Variants in THSD7B observed in about 807,000 individuals in gnomAD.
THSD7B encodes the protein thrombospondin type-1 domain-containing protein 7B.
Under a neutral mutation model 213.6 loss-of-function variants are expected in THSD7B, and 138 were observed. That is an observed-to-expected ratio of 0.65 (90% confidence interval 0.56 to 0.74). The LOEUF (loss-of-function observed/expected upper bound fraction) is 0.74. Among genes scored for constraint, THSD7B ranks in the 30% least tolerant of loss-of-function variants. THSD7B has a pLI of 0.00. For missense variants in THSD7B, 1,931 were observed against 1,991.5 expected, an observed-to-expected ratio of 0.97 and a Z score of 0.58; for synonymous variants, 742 against 687.0, an observed-to-expected ratio of 1.08 and a Z score of -1.25.
chr2:136,922,866 C>T (rs1031943437), intron 2 of THSD7B, among the ~76,000 whole-genome samples: 6 of 152,100 alleles, frequency 3.9e-5, no homozygotes, highest in Non-Finnish European at 1.5e-5. Flanking sequence ...CTTTCTTGAC[C>T]CCCAAGTGCC....
intron 3 of THSD7B, among the ~76,000 whole-genome samples, chr2:137,076,976 T>TC (rs1195827738): frequency 1.1e-4 from 8 of 71,376 alleles, no homozygotes; most frequent in Admixed American, 2.2e-4. Context: ...CCCTCCCCCC[T>TC]CCCCCCACCC....
intron 1 of THSD7B, among the ~76,000 whole-genome samples, chr2:136,766,479 G>A (rs942301497): frequency 3.3e-5 from 5 of 152,098 alleles, no homozygotes; most frequent in African/African-American, 1.2e-4. Flanking sequence ...TGTCTTACAT[G>A]TCCCATAGTA....
Position 137,676,741 on chromosome 2 carries a change from T to G in THSD7B, c.*136T>G. The stretch of plus-strand genomic sequence containing the variant: ...GAATACAAATATTGCAAAAGTAATA[T>G]TGCCTCAACTTCATTTGGACATGGA... On this transcript the variant is annotated 3_prime_UTR_variant, in exon 28 of 28. Transcript: ENST00000409968. The G allele has an allele frequency of 3.0e-6, 2 of 666,876 alleles. No individual in the cohort carries two copies. The highest frequency in any genetic ancestry group is 3.6e-5 in the South Asian group (1 of 27,906). 41.3% of individuals were successfully genotyped at this position (666,876 alleles called of 1,614,324 possible).
intron 6 of THSD7B, among the ~76,000 whole-genome samples, chr2:137,167,411 C>T (rs900152307): frequency 2.6e-4 from 40 of 151,998 alleles, no homozygotes; most frequent in Admixed American, 2.3e-3. Flanking sequence ...CCATATTGGC[C>T]AGGCTGGAAC....
intron 3 of THSD7B, among the ~76,000 whole-genome samples, chr2:137,076,898 A>AT (rs1687637402): frequency 6.6e-6 from 1 of 151,986 alleles, no homozygotes; most frequent in African/African-American, 2.4e-5. Flanking sequence ...ATATGTATAC[A>AT]TGTGCCATGT....
At chr2:136,908,131 A>C (rs1684197788) in intron 2 of THSD7B, among the ~76,000 whole-genome samples, 1 of 152,158 alleles carries the variant, frequency 6.6e-6, no homozygotes, top group Admixed American at 6.5e-5. Context: ...CACATGTTGC[A>C]TATGGTTGCC....
intron 2 of THSD7B, among the ~76,000 whole-genome samples, chr2:137,022,871 G>A (rs116835250): frequency 0.024 from 3,679 of 152,204 alleles, 184 homozygotes; most frequent in African/African-American, 0.083. Context: ...TAATTCTGCT[G>A]TTGTAGCACA....
At chr2:137,619,306 C>T (rs1285657405) in intron 19 of THSD7B, among the ~76,000 whole-genome samples, 2 of 152,220 alleles carry the variant, frequency 1.3e-5, no homozygotes, top group African/African-American at 2.4e-5. Context: ...TGGCATTTCT[C>T]TTAAGAGAGG....
chr2:137,028,821 A>G lies in THSD7B; in HGVS notation c.140-27599A>G, dbSNP rs375742746. Among the ~76,000 whole-genome samples, 82 of 152,218 alleles carry G rather than the reference A, an allele frequency of 5.4e-4. 1 individual carries two copies. Among genetic ancestry groups the G allele is most frequent in the African/African-American group, 2.0e-3 (82 of 41,534 alleles). On this transcript the variant is annotated intron_variant, in intron 2 of 27. Coordinates refer to ENST00000409968, the MANE Select transcript of THSD7B (RefSeq NM_001316349.2). ...TAGGTAGGAACTAGTCAGGTAAATG[A>G]TTCTTTGATTCTTTCTGATGACTTA...
rs188458063 is a variant in THSD7B, at chr2:137,302,461, A to G, written c.2500+26435A>G. ...TGGAGAATTGTCCATAAGATGTAAC[A>G]ATGTTGGCCTTGACAAGAACAGTTA... On this transcript the variant is annotated intron_variant, in intron 12 of 27. Transcript: ENST00000409968. Among the ~76,000 whole-genome samples the G allele has an allele frequency of 1.2e-3, 186 of 152,278 alleles. 1 individual carries two copies. The highest frequency in any genetic ancestry group is 6.8e-3 in the Middle Eastern group (2 of 294).
Position 137,238,534 on chromosome 2 carries a change from CTTTTTTTTTTT to C in THSD7B, c.2151-3903_2151-3893del, listed in dbSNP as rs869146863. ...TATCCTGATAATGACACTCATCTTT[CTTTTTTTTTTT>C]TTTTTTTTTTTTTTTTTTTGAGACG... On this transcript the variant is annotated intron_variant, in intron 9 of 27. Transcript: ENST00000409968. Among the ~76,000 whole-genome samples, 33 of 51,870 alleles carry C rather than the reference CTTTTTTTTTTT, an allele frequency of 6.4e-4. 1 individual carries two copies. In the South Asian group the frequency reaches 0.024, roughly 37 times the overall value. The allele number at this position is 51,870 out of a possible 152,430, so 34.0% of individuals were successfully genotyped here.
chr2:137,327,571 T>A (rs1224834511), intron 12 of THSD7B, among the ~76,000 whole-genome samples: 1 of 152,164 alleles, frequency 6.6e-6, no homozygotes, highest in Non-Finnish European at 1.5e-5. Flanking sequence ...TTATTCCTTT[T>A]GTACTCCCCA....
At chr2:137,436,502 G>A (rs145003245) in intron 14 of THSD7B, among the ~76,000 whole-genome samples, 2 of 152,112 alleles carry the variant, frequency 1.3e-5, no homozygotes, top group Admixed American at 6.6e-5. Context: ...TCCTGCTGCT[G>A]TTTGTAGATT....
intron 12 of THSD7B, among the ~76,000 whole-genome samples, chr2:137,311,516 G>A (rs984889774): frequency 1.3e-5 from 2 of 151,908 alleles, no homozygotes; most frequent in Non-Finnish European, 2.9e-5. Flanking sequence ...CTCCCTAATT[G>A]CCCTGAACAG....
intron 16 of THSD7B, among the ~76,000 whole-genome samples, chr2:137,565,652 C>T (rs947247891): frequency 6.6e-6 from 1 of 152,096 alleles, no homozygotes; most frequent in Non-Finnish European, 1.5e-5. Context: ...CTGCCCCAGT[C>T]CCCTAGAATT....
intron 1 of THSD7B, among the ~76,000 whole-genome samples, chr2:136,855,591 ATTATTTATTTATTATTTATTTAT>A (rs1207487649): frequency 6.8e-4 from 89 of 130,826 alleles, no homozygotes; most frequent in African/African-American, 2.1e-3. Context: ...GCATCCGGCT[ATTATTTATTTATTATTTATTTAT>A]TTATTTATTT....
intron 20 of THSD7B, among the ~76,000 whole-genome samples, chr2:137,640,667 T>G (rs1682922559): frequency 6.6e-6 from 1 of 152,236 alleles, no homozygotes; most frequent in Admixed American, 6.5e-5. Context: ...AGAATTTTCC[T>G]CTTGGGTTGT....
At chr2:136,910,792 C>T (rs1429985) in intron 2 of THSD7B, among the ~76,000 whole-genome samples, 63,012 of 151,198 alleles carry the variant, frequency 0.42, 15,023 homozygotes, top group Non-Finnish European at 0.55. Flanking sequence ...ATTAATTTAA[C>T]GATATAATGA....
rs1325652028 is a variant in THSD7B at position 137,057,013 on chromosome 2, G to T, written c.733G>T (p.Val245Phe). Reference sequence around the variant, plus strand: ...AGAGGAATATACATTTAGCCTTAAGGTTGGACCATGGAGTAAATGCAGACT... The same window carrying T: ...AGAGGAATATACATTTAGCCTTAAGTTTGGACCATGGAGTAAATGCAGACT... Reference protein sequence around the residue: ...GEEEYTFSLKVGPWSKCRLPH... With the variant: ...GEEEYTFSLKFGPWSKCRLPH... Residue 245 changes from valine (V) to phenylalanine (F), a missense_variant, in exon 3 of 28, where the codon GTT becomes TTT. By Grantham distance (50) the Val-to-Phe change is conservative. Coordinates refer to ENST00000409968, the MANE Select transcript of THSD7B (RefSeq NM_001316349.2). 2.3e-5 allele frequency: 37 copies of T among 1,613,812 alleles called. No homozygotes were observed. Among genetic ancestry groups the T allele is most frequent in the Non-Finnish European group, 3.1e-5 (37 of 1,179,896 alleles).
Sources: allele counts gnomAD v4.1 joint callset (sites outside exome capture counted in the v4.1 genomes callset), GRCh38; gene constraint gnomAD v4.1.1; transcripts MANE v1.5; gene names NCBI Gene and HGNC (gene_info 2026-07-23, HGNC 2026-07-21).